The following RNLS variants were observed in gnomAD, a reference collection of about 807,000 sequenced individuals.
RNLS encodes renalase, FAD dependent amine oxidase.
RNLS carries 39 observed loss-of-function variants against 39.8 expected under a neutral mutation model. The ratio of observed to expected loss-of-function variants is 0.98; its 90% CI spans 0.76 to 1.28. The LOEUF is 1.28. Among genes scored for constraint, RNLS ranks in the 50% most tolerant of loss-of-function variants. The pLI is 0.00. For synonymous variants in RNLS, 147 were observed against 150.7 expected (o/e 0.98, Z 0.18); for missense variants, 410 against 413.3 (o/e 0.99, Z 0.07).
At chr10:88,524,121 AT>A (rs58417022) in intron 4 of RNLS, among the ~76,000 whole-genome samples, 2,714 of 151,838 alleles carry the variant, frequency 0.018, 69 homozygotes, top group East Asian at 0.13. Flanking sequence ...AACTGATTAT[AT>A]TAAAAAAAAA....
intron 4 of RNLS, among the ~76,000 whole-genome samples, chr10:88,467,606 C>A (rs1210174107): frequency 6.6e-6 from 1 of 152,174 alleles, no homozygotes; most frequent in South Asian, 2.1e-4. Flanking sequence ...AATTTACCAA[C>A]CTTTTGCTCT....
the RNLS span, among the ~76,000 whole-genome samples, chr10:88,186,832 C>T: frequency 3.9e-5 from 6 of 151,980 alleles, no homozygotes; most frequent in East Asian, 1.9e-4. Context: ...ATGGTAGGGG[C>T]TCCAGCAACC....
chr10:88,172,889 C>T, the RNLS span, among the ~76,000 whole-genome samples: 1 of 85,862 alleles, frequency 1.2e-5, no homozygotes, highest in African/African-American at 4.8e-5. Context: ...TGGAGTCTCG[C>T]TCTGTCGCCC....
the RNLS span, among the ~76,000 whole-genome samples, chr10:88,172,611 C>T: frequency 2.6e-5 from 4 of 152,186 alleles, no homozygotes; most frequent in African/African-American, 9.6e-5. Context: ...AATATTTTCT[C>T]TCATTCTACG....
chr10:88,308,437 A>AC (rs1424776952), intron 6 of RNLS, among the ~76,000 whole-genome samples: 1 of 134,396 alleles, frequency 7.4e-6, no homozygotes, highest in African/African-American at 2.6e-5. Flanking sequence ...AAATTTACAA[A>AC]AAATAAAAAA....
chr10:88,337,087 T>A (rs7342099), intron 5 of RNLS, among the ~76,000 whole-genome samples: 1,876 of 152,274 alleles, frequency 0.012, 23 homozygotes, highest in South Asian at 0.029. Context: ...TACATTGCCC[T>A]CACAAATTGA....
Position 88,581,461 on chromosome 10 carries a change from C to T in RNLS, c.367+106G>A, listed in dbSNP as rs966940066. On this transcript the variant is annotated intron_variant, in intron 3 of 6. Coordinates refer to ENST00000331772, the MANE Select transcript of RNLS (RefSeq NM_001031709.3). ...ACTAGCTATTGATCAGCAAATAGAGCACCTAATATTTATAATTTCCTGTAT... is the reference window on the plus strand; with the variant it reads ...ACTAGCTATTGATCAGCAAATAGAGTACCTAATATTTATAATTTCCTGTAT... 6.5e-6 allele frequency: 6 copies of T among 924,306 alleles called. No homozygotes were observed. The African/African-American group carries it at 8.7e-5, about 13-fold the overall frequency. 57.3% of individuals were successfully genotyped at this position (924,306 alleles called of 1,614,324 possible). A position where few individuals can be genotyped will look rare whatever the true frequency, so the allele number is the denominator to read the frequency against.
intron 4 of RNLS, among the ~76,000 whole-genome samples, chr10:88,424,028 C>T (rs895867642): frequency 6.6e-6 from 1 of 152,184 alleles, no homozygotes; most frequent in African/African-American, 2.4e-5. Context: ...TCTTGTCTCA[C>T]CACCTCATTT....
chr10:88,405,686 C>G (rs1046924073), intron 4 of RNLS, among the ~76,000 whole-genome samples: 1 of 152,070 alleles, frequency 6.6e-6, no homozygotes, highest in Admixed American at 6.6e-5. Context: ...GCATTTAGGC[C>G]ATTTACATTC....
At chr10:88,266,513 T>G in the RNLS span, among the ~76,000 whole-genome samples, 1 of 152,316 alleles carries the variant, frequency 6.6e-6, no homozygotes, top group South Asian at 2.1e-4. Context: ...TTGGCTGATT[T>G]TCATTTCTAA....
At chr10:88,382,444 G>C (rs1258592510) in intron 4 of RNLS, among the ~76,000 whole-genome samples, 1 of 152,018 alleles carries the variant, frequency 6.6e-6, no homozygotes, top group African/African-American at 2.4e-5. Context: ...CATCACAGTA[G>C]AATTTTTTCA....
Position 88,376,462 on chromosome 10 carries a change from T to TAAC in RNLS, c.527-13740_527-13738dup, listed in dbSNP as rs564018927. Among the ~76,000 whole-genome samples, 22 of 152,332 alleles carry TAAC rather than the reference T, an allele frequency of 1.4e-4. No homozygotes were observed. In the East Asian group the frequency reaches 3.7e-3, roughly 25 times the overall value. The stretch of plus-strand genomic sequence containing the variant: ...TGAGTCAATGTCGCTTTGAGAAATT[T>TAAC]AACTTTTTAATTTGCTAACTTGGTG... On this transcript the variant is annotated intron_variant, in intron 4 of 6. Coordinates refer to ENST00000331772, the MANE Select transcript of RNLS (RefSeq NM_001031709.3).
the RNLS span, among the ~76,000 whole-genome samples, chr10:88,190,427 C>T: frequency 6.6e-6 from 1 of 152,096 alleles, no homozygotes; most frequent in Non-Finnish European, 1.5e-5. Context: ...GGACATGGCA[C>T]ATAAAGGGAA....
chr10:88,507,835 C>T (rs554545073), intron 4 of RNLS, among the ~76,000 whole-genome samples: 2 of 152,172 alleles, frequency 1.3e-5, no homozygotes, highest in South Asian at 4.1e-4. Flanking sequence ...AGAATGCAAC[C>T]ACTTATTACA....
chr10:88,248,458 C>T, the RNLS span, among the ~76,000 whole-genome samples: 1 of 152,078 alleles, frequency 6.6e-6, no homozygotes, highest in Non-Finnish European at 1.5e-5. Context: ...AGCAAGAGTC[C>T]AGAAAGATCA....
chr10:88,294,929 C>T (rs1483368517), intron 6 of RNLS, among the ~76,000 whole-genome samples: 3 of 151,804 alleles, frequency 2.0e-5, no homozygotes, highest in Admixed American at 2.0e-4. Context: ...CTTTTCCGCC[C>T]CCACCCTCCA....
intron 4 of RNLS, among the ~76,000 whole-genome samples, chr10:88,393,388 T>C (rs1372055189): frequency 4.6e-5 from 7 of 152,036 alleles, no homozygotes; most frequent in African/African-American, 7.3e-5. Context: ...AGCATTCTTA[T>C]ACACCAATAA....
At chr10:88,465,987 C>A (rs1843181818) in intron 4 of RNLS, among the ~76,000 whole-genome samples, 1 of 152,002 alleles carries the variant, frequency 6.6e-6, no homozygotes, top group African/African-American at 2.4e-5. Context: ...AGCTACTCTG[C>A]CACACCATTG....
intron 4 of RNLS, among the ~76,000 whole-genome samples, chr10:88,515,566 A>G (rs966044548): frequency 6.6e-6 from 1 of 152,066 alleles, no homozygotes; most frequent in Admixed American, 6.6e-5. Flanking sequence ...ATTCTTTCAT[A>G]GCATCTTATG....
Sources: gnomAD v4.1 joint callset for allele counts (sites outside exome capture counted in the v4.1 genomes callset) on GRCh38, gnomAD v4.1.1 for gene constraint, MANE v1.5 for transcripts, NCBI Gene and HGNC (gene_info 2026-07-23, HGNC 2026-07-21) for gene names.